Variants in SMYD3 observed in about 807,000 individuals in gnomAD.
The protein encoded by SMYD3 is histone-lysine N-methyltransferase SMYD3.
SMYD3 carries 36 observed loss-of-function variants against 57.7 expected under a neutral mutation model. The observed-to-expected ratio is 0.62, with a 90% CI of 0.48 to 0.82. SMYD3 has a LOEUF of 0.82. SMYD3 is among the 40% of genes least tolerant of loss of function. The probability of loss-of-function intolerance (pLI) is 0.00; values close to 1 mark genes in which losing one functional copy is unlikely to be tolerated. For synonymous variants in SMYD3, 211 were observed against 195.0 expected (o/e 1.08, Z -0.68); for missense variants, 515 against 538.8 (o/e 0.96, Z 0.44).
At chr1:245,920,229 C>G (rs891286031) in intron 7 of SMYD3, among the ~76,000 whole-genome samples, 13 of 144,492 alleles carry the variant, frequency 9.0e-5, no homozygotes, top group African/African-American at 2.8e-4. Flanking sequence ...AGGAGGATGG[C>G]GTGAACTCGG....
At chr1:245,771,113 T>C (rs1388785453) in intron 10 of SMYD3, among the ~76,000 whole-genome samples, 1 of 151,716 alleles carries the variant, frequency 6.6e-6, no homozygotes, top group Non-Finnish European at 1.5e-5. Context: ...CATACATATA[T>C]ACACATACAT....
chr1:246,258,255 T>G (rs2063934779), intron 5 of SMYD3, among the ~76,000 whole-genome samples: 1 of 152,130 alleles, frequency 6.6e-6, no homozygotes, highest in South Asian at 2.1e-4. Flanking sequence ...CAGGCTGGTC[T>G]CAAACTCCTG....
Position 246,456,615 on chromosome 1 carries a change from G to T in SMYD3, c.164+50439C>A, listed in dbSNP as rs148480834. Among the ~76,000 whole-genome samples, 106 of 152,352 alleles carry T rather than the reference G, an allele frequency of 7.0e-4. 1 individual carries two copies. The highest frequency in any genetic ancestry group is 2.2e-3 in the African/African-American group (91 of 41,592). ...ACAGTATTCTGTCTATGCCTCTGTT[G>T]AAGCATTTAGCACCATTTATTATAA... On this transcript the variant is annotated intron_variant, in intron 1 of 11. Transcript: ENST00000490107.
At chr1:246,199,612 A>C (rs1310720312) in intron 5 of SMYD3, among the ~76,000 whole-genome samples, 1 of 152,234 alleles carries the variant, frequency 6.6e-6, no homozygotes, top group Non-Finnish European at 1.5e-5. Flanking sequence ...AACGTTTGAC[A>C]CATTTCCAAT....
chr1:245,921,740 A>G (rs765269982), intron 7 of SMYD3, among the ~76,000 whole-genome samples: 1 of 152,168 alleles, frequency 6.6e-6, no homozygotes, highest in Non-Finnish European at 1.5e-5. Flanking sequence ...TATTTAGAGA[A>G]TCTATCGAAC....
At chr1:245,999,828 ACGGAACTCGAGGTT>A (rs2059004460) in intron 5 of SMYD3, among the ~76,000 whole-genome samples, 1 of 152,230 alleles carries the variant, frequency 6.6e-6, no homozygotes, top group Non-Finnish European at 1.5e-5. Context: ...CAGAAAGAGC[ACGGAACTCGAGGTT>A]ATAAAATCTG....
intron 5 of SMYD3, among the ~76,000 whole-genome samples, chr1:246,285,982 A>T (rs6426293): frequency 0.36 from 54,575 of 151,708 alleles, 10,486 homozygotes; most frequent in East Asian, 0.73. Flanking sequence ...AAAAAAATTT[A>T]AAAAAAATAG....
rs151209207 is a variant in SMYD3, at chr1:246,335,017, A to C, written c.336+350T>G. Among the ~76,000 whole-genome samples the C allele has an allele frequency of 6.9e-3, 1,052 of 152,280 alleles. 13 individuals are homozygous for C. The highest frequency in any genetic ancestry group is 0.024 in the African/African-American group (990 of 41,548). The stretch of plus-strand genomic sequence containing the variant: ...ACAGCCACCCCAAAGTTCAGCAACC[A>C]CCACTTGATTAGTCAGCAGCCATCA... On this transcript the variant is annotated intron_variant, in intron 3 of 11. Coordinates refer to ENST00000490107, the MANE Select transcript of SMYD3 (RefSeq NM_001167740.2).
chr1:246,258,834 T>G (rs1366627825), intron 5 of SMYD3, among the ~76,000 whole-genome samples: 1 of 152,156 alleles, frequency 6.6e-6, no homozygotes, highest in Non-Finnish European at 1.5e-5. Flanking sequence ...TTTTTTTCCT[T>G]CTCTCTCAGT....
intron 5 of SMYD3, among the ~76,000 whole-genome samples, chr1:246,119,339 T>C (rs2061388918): frequency 6.6e-6 from 1 of 151,942 alleles, no homozygotes. Context: ...TGTATCTTTC[T>C]GCCACTGTAG....
intron 10 of SMYD3, among the ~76,000 whole-genome samples, chr1:245,774,307 G>A (rs957303948): frequency 7.2e-5 from 11 of 152,140 alleles, no homozygotes; most frequent in African/African-American, 2.2e-4. Context: ...TATTTGGAAT[G>A]GTAAGTAAGA....
rs60915002 is a variant in SMYD3, at chr1:246,225,321, C to CAAAAAAAAAAAAAAAAAA, written c.531+101862_531+101879dup. Among the ~76,000 whole-genome samples the CAAAAAAAAAAAAAAAAAA allele has an allele frequency of 5.8e-4, 44 of 76,296 alleles. 5 individuals are homozygous for CAAAAAAAAAAAAAAAAAA. Among genetic ancestry groups the CAAAAAAAAAAAAAAAAAA allele is most frequent in the Non-Finnish European group, 6.9e-4 (23 of 33,454 alleles). The allele number at this position is 76,296 out of a possible 152,430, so 50.1% of individuals were successfully genotyped here. ...GTTATGTGGAAGACTGCTGAAAAGT[C>CAAAAAAAAAAAAAAAAAA]AAAAAAAAAAAAAAAAAAAAAAAAA... On this transcript the variant is annotated intron_variant, in intron 5 of 11. Transcript: ENST00000490107.
chr1:246,113,389 A>G (rs1309469786), intron 5 of SMYD3, among the ~76,000 whole-genome samples: 1 of 152,192 alleles, frequency 6.6e-6, no homozygotes, highest in Non-Finnish European at 1.5e-5. Context: ...TTCTAGTTAG[A>G]TGGCTACAAA....
intron 5 of SMYD3, among the ~76,000 whole-genome samples, chr1:246,042,040 C>A (rs1244407341): frequency 6.6e-6 from 1 of 152,170 alleles, no homozygotes; most frequent in South Asian, 2.1e-4. Flanking sequence ...TGTTCAAGGT[C>A]TTATGACTGA....
chr1:246,117,620 A>ACT (rs200473780), intron 5 of SMYD3, among the ~76,000 whole-genome samples: 3 of 151,142 alleles, frequency 2.0e-5, no homozygotes, highest in East Asian at 3.9e-4. Context: ...GCTCTTGCGC[A>ACT]CTCTCTCTCT....
intron 10 of SMYD3, among the ~76,000 whole-genome samples, chr1:245,778,751 A>G (rs1310774544): frequency 6.6e-6 from 1 of 152,238 alleles, no homozygotes; most frequent in Non-Finnish European, 1.5e-5. Context: ...GAAAATCTTC[A>G]TGACCCTGAG....
intron 10 of SMYD3, among the ~76,000 whole-genome samples, chr1:245,781,528 A>T (rs2046825402): frequency 6.6e-6 from 1 of 152,214 alleles, no homozygotes; most frequent in African/African-American, 2.4e-5. Flanking sequence ...GGCACTATTT[A>T]TATACCTAAC....
At chr1:245,962,622 A>G (rs1048131596) in intron 5 of SMYD3, among the ~76,000 whole-genome samples, 1 of 152,226 alleles carries the variant, frequency 6.6e-6, no homozygotes, top group African/African-American at 2.4e-5. Context: ...GAGATGGAGA[A>G]ACAAACCTGC....
intron 5 of SMYD3, among the ~76,000 whole-genome samples, chr1:246,277,333 G>A (rs1456978281): frequency 6.6e-6 from 1 of 152,154 alleles, no homozygotes; most frequent in East Asian, 1.9e-4. Context: ...CTGTTACAAT[G>A]GCTAAAATTA....
Sources: gnomAD v4.1 joint callset for allele counts (sites outside exome capture counted in the v4.1 genomes callset) on GRCh38, gnomAD v4.1.1 for gene constraint, MANE v1.5 for transcripts, NCBI Gene and HGNC (gene_info 2026-07-23, HGNC 2026-07-21) for gene names.